LUZP2: variants seen among roughly 807,000 people sequenced by gnomAD.
LUZP2 encodes leucine zipper protein 2.
LUZP2 carries 52 observed loss-of-function variants against 51.6 expected under a neutral mutation model. The observed-to-expected ratio is 1.01, with a 90% confidence interval of 0.81 to 1.27. LUZP2 has a LOEUF of 1.27. Among genes scored for constraint, LUZP2 ranks in the 50% most tolerant of loss-of-function variants. The pLI, the probability that LUZP2 is intolerant of heterozygous loss-of-function variation, is 0.00. For missense variants in LUZP2, 436 were observed against 395.4 expected (o/e 1.10, Z -0.87); for synonymous variants, 154 against 137.3 (o/e 1.12, Z -0.85).
chr11:24,926,361 G>A (rs1232442877), intron 7 of LUZP2, among the ~76,000 whole-genome samples: 2 of 57,390 alleles, frequency 3.5e-5, no homozygotes, highest in African/African-American at 1.5e-4. Context: ...ATATACGTGT[G>A]TATATATATA....
chr11:24,930,837 C>A (rs1009192400), intron 7 of LUZP2, among the ~76,000 whole-genome samples: 3 of 152,112 alleles, frequency 2.0e-5, no homozygotes, highest in East Asian at 3.9e-4. Flanking sequence ...TTATAGATTT[C>A]TTTTCTTCCT....
At chr11:24,754,894 C>A (rs1402269468) in intron 4 of LUZP2, among the ~76,000 whole-genome samples, 2 of 152,162 alleles carry the variant, frequency 1.3e-5, no homozygotes, top group African/African-American at 2.4e-5. Flanking sequence ...ATCTGTAATC[C>A]CAGCATTTTG....
At chr11:24,753,311 A>C (rs555482307) in intron 4 of LUZP2, among the ~76,000 whole-genome samples, 3 of 152,170 alleles carry the variant, frequency 2.0e-5, no homozygotes, top group African/African-American at 7.2e-5. Flanking sequence ...AGAAGCTTCC[A>C]TGCGCTCGCT....
chr11:24,729,377 A>C (rs1273176052), intron 2 of LUZP2, 91 bp downstream of exon 2: 1 of 641,330 alleles, frequency 1.6e-6, no homozygotes, highest in East Asian at 2.8e-5. Flanking sequence ...ATAGTTTTTA[A>C]TGTGTTTCTG....
chr11:24,546,969 G>T (rs11028000), intron 1 of LUZP2, among the ~76,000 whole-genome samples: 98 of 4,400 alleles, frequency 0.022, no homozygotes, highest in Admixed American at 0.037. Flanking sequence ...GTTGTTGGTG[G>T]TGGTGGTGGT....
At chr11:24,944,037 A>G (rs531095438) in intron 7 of LUZP2, among the ~76,000 whole-genome samples, 1 of 152,292 alleles carries the variant, frequency 6.6e-6, no homozygotes, top group Admixed American at 6.5e-5. Flanking sequence ...TAGCCAGGCA[A>G]TGTGCAACTA....
chr11:24,580,924 A>G (rs1852830004), intron 1 of LUZP2, among the ~76,000 whole-genome samples: 3 of 152,096 alleles, frequency 2.0e-5, no homozygotes, highest in Admixed American at 6.6e-5. Context: ...TTTTACTGCC[A>G]TATATATTAT....
chr11:24,691,347 A>G (rs1857059418), intron 1 of LUZP2, among the ~76,000 whole-genome samples: 1 of 152,096 alleles, frequency 6.6e-6, no homozygotes, highest in South Asian at 2.1e-4. Flanking sequence ...AAATAGTGGT[A>G]TATTAGGTAA....
intron 5 of LUZP2, among the ~76,000 whole-genome samples, chr11:24,835,254 A>T (rs146463666): frequency 6.6e-6 from 1 of 152,216 alleles, no homozygotes. Context: ...CTAGCCAGCC[A>T]TATGCAGAAA....
intron 8 of LUZP2, among the ~76,000 whole-genome samples, chr11:24,979,852 C>G (rs942187029): frequency 1.3e-5 from 2 of 151,772 alleles, no homozygotes; most frequent in African/African-American, 4.8e-5. Context: ...GGTAAGTGAC[C>G]TACACAGACT....
At chr11:24,963,555 A>C (rs1855485554) in intron 7 of LUZP2, among the ~76,000 whole-genome samples, 1 of 152,056 alleles carries the variant, frequency 6.6e-6, no homozygotes, top group Non-Finnish European at 1.5e-5. Flanking sequence ...CCGTGGGCAT[A>C]GGACCCTCCG....
At chr11:24,973,797 T>A (rs1465998258) in intron 7 of LUZP2, among the ~76,000 whole-genome samples, 1 of 151,964 alleles carries the variant, frequency 6.6e-6, no homozygotes, top group Non-Finnish European at 1.5e-5. Context: ...GTCTGGGAGA[T>A]TGTTTGTTAT....
intron 4 of LUZP2, among the ~76,000 whole-genome samples, chr11:24,751,850 A>T (rs1026957263): frequency 6.6e-6 from 1 of 152,188 alleles, no homozygotes; most frequent in Non-Finnish European, 1.5e-5. Flanking sequence ...AATTTAGTTA[A>T]GCATGTTAAA....
intron 5 of LUZP2, among the ~76,000 whole-genome samples, chr11:24,809,299 G>C (rs1849949281): frequency 6.6e-6 from 1 of 152,150 alleles, no homozygotes; most frequent in Admixed American, 6.6e-5. Context: ...CACATGTGGA[G>C]TGGGAAGGGA....
chr11:24,791,217 G>T (rs566211216), intron 5 of LUZP2, among the ~76,000 whole-genome samples: 16 of 152,220 alleles, frequency 1.1e-4, no homozygotes, highest in African/African-American at 3.9e-4. Flanking sequence ...AAATATTACA[G>T]ATCCAAGCTA....
At chr11:24,731,284 C>A (rs990338208) in intron 2 of LUZP2, among the ~76,000 whole-genome samples, 1 of 151,736 alleles carries the variant, frequency 6.6e-6, no homozygotes, top group East Asian at 1.9e-4. Flanking sequence ...ATTAAGTAAA[C>A]AAGTGTTTGC....
chr11:24,793,890 C>T (rs1471077641), intron 5 of LUZP2, among the ~76,000 whole-genome samples: 1 of 151,544 alleles, frequency 6.6e-6, no homozygotes, highest in Non-Finnish European at 1.5e-5. Flanking sequence ...TATTTATATA[C>T]ATTTTTCTTT....
intron 5 of LUZP2, among the ~76,000 whole-genome samples, chr11:24,860,782 C>T (rs891254137): frequency 6.6e-6 from 1 of 152,102 alleles, no homozygotes; most frequent in African/African-American, 2.4e-5. Flanking sequence ...AAAAGGCCCC[C>T]CCAAAAACCC....
At chr11:24,896,011 G>C (rs1019058244) in intron 5 of LUZP2, among the ~76,000 whole-genome samples, 2 of 152,108 alleles carry the variant, frequency 1.3e-5, no homozygotes, top group Admixed American at 6.5e-5. Flanking sequence ...GTTGTTTTTT[G>C]ACTATTTAAC....
Sources: allele counts gnomAD v4.1 joint callset (sites outside exome capture counted in the v4.1 genomes callset), GRCh38; gene constraint gnomAD v4.1.1; transcripts MANE v1.5; gene names NCBI Gene and HGNC (gene_info 2026-07-23, HGNC 2026-07-21).